Variants in DPP6 observed in about 807,000 individuals in gnomAD.
DPP6 encodes the protein dipeptidyl peptidase like 6.
A neutral mutation model predicts 122.6 loss-of-function variants in DPP6; 69 were observed. That is an observed-to-expected ratio of 0.56 (90% CI 0.46 to 0.69). The LOEUF (loss-of-function observed/expected upper bound fraction) is 0.69. Among genes scored for constraint, DPP6 ranks in the 30% least tolerant of loss-of-function variants. The probability of loss-of-function intolerance (pLI) is 0.00; values close to 1 mark genes in which losing one functional copy is unlikely to be tolerated. For synonymous variants in DPP6, 418 were observed against 433.1 expected (o/e 0.97, Z 0.43); for missense variants, 928 against 1,116.9 (o/e 0.83, Z 2.41).
chr7:154,449,931 G>A (rs1429880083), intron 2 of DPP6, among the ~76,000 whole-genome samples: 4 of 151,866 alleles, frequency 2.6e-5, no homozygotes, highest in Non-Finnish European at 4.4e-5. Flanking sequence ...TCACTTGAAC[G>A]TGGGATGGTG....
chr7:154,157,443 A>G (rs1796742666), intron 1 of DPP6, among the ~76,000 whole-genome samples: 1 of 152,106 alleles, frequency 6.6e-6, no homozygotes, highest in Non-Finnish European at 1.5e-5. Context: ...TTTGTTTTTC[A>G]TTGTCTTTTT....
At chr7:154,157,773 A>C (rs1796759894) in intron 1 of DPP6, among the ~76,000 whole-genome samples, 1 of 151,936 alleles carries the variant, frequency 6.6e-6, no homozygotes, top group African/African-American at 2.4e-5. Flanking sequence ...GTCTCTACTA[A>C]AAATGCAAAA....
At chr7:153,867,884 C>G in the DPP6 span, among the ~76,000 whole-genome samples, 1 of 152,088 alleles carries the variant, frequency 6.6e-6, no homozygotes, top group Non-Finnish European at 1.5e-5. Context: ...TTATCAAAGG[C>G]CTTTTATGCA....
At chr7:154,361,603 C>CAAAA (rs34342809) in intron 1 of DPP6, among the ~76,000 whole-genome samples, 42 of 57,788 alleles carry the variant, frequency 7.3e-4, no homozygotes, top group South Asian at 1.2e-3. Context: ...AATTGCTAGC[C>CAAAA]AAAAAAAAAA....
chr7:154,184,913 G>A lies in DPP6; in HGVS notation c.243+131850G>A, dbSNP rs76868134. The stretch of plus-strand genomic sequence containing the variant: ...AAAGGCAGTTTAGCATCTGAGCCAC[G>A]GTGCGATGGTTAGCCATATTTATGA... On this transcript the variant is annotated intron_variant, in intron 1 of 25. Coordinates refer to ENST00000377770, the MANE Select transcript of DPP6 (RefSeq NM_130797.4). Among the ~76,000 whole-genome samples the A allele has an allele frequency of 4.0e-3, 603 of 152,266 alleles. 5 individuals carry two copies. Among genetic ancestry groups the A allele is most frequent in the African/African-American group, 0.014 (579 of 41,554 alleles).
the DPP6 span, among the ~76,000 whole-genome samples, chr7:153,783,678 T>G: frequency 6.6e-6 from 1 of 152,222 alleles, no homozygotes; most frequent in Non-Finnish European, 1.5e-5. Context: ...CAATAAAAAC[T>G]TACATGTGCT....
At position 154,602,832 on chromosome 7, in the gene DPP6, C is replaced by G. The variant is rs1284149626; in HGVS notation, c.628-34989C>G. On this transcript the variant is annotated intron_variant, in intron 5 of 25. Coordinates refer to ENST00000377770, the MANE Select transcript of DPP6 (RefSeq NM_130797.4). ...GTGCGATCTCTATTCACTGCAACCT[C>G]TGCCTCCCATCTTAATTCTTTTTTA... Among the ~76,000 whole-genome samples, 7 of 117,404 alleles carry G rather than the reference C, an allele frequency of 6.0e-5. 2 individuals carry two copies. Among genetic ancestry groups the G allele is most frequent in the Admixed American group, 1.9e-4 (2 of 10,336 alleles). 77.0% of individuals were successfully genotyped at this position (117,404 alleles called of 152,430 possible). A position where few individuals can be genotyped will look rare whatever the true frequency, so the allele number is the denominator to read the frequency against.
chr7:153,963,951 G>A (rs914100615), intron 1 of DPP6, among the ~76,000 whole-genome samples: 3 of 152,158 alleles, frequency 2.0e-5, no homozygotes, highest in Admixed American at 6.5e-5. Context: ...GCATCAGGTC[G>A]TCTACTGCTT....
chr7:153,763,192 TCA>T, the DPP6 span, among the ~76,000 whole-genome samples: 5 of 152,098 alleles, frequency 3.3e-5, no homozygotes, highest in African/African-American at 1.2e-4. Flanking sequence ...TTTCCAACTC[TCA>T]GTGTTCTGAA....
intron 1 of DPP6, among the ~76,000 whole-genome samples, chr7:154,247,477 G>C (rs1802055469): frequency 1.3e-5 from 2 of 152,054 alleles, no homozygotes; most frequent in Admixed American, 1.3e-4. Flanking sequence ...ATATCTAAAT[G>C]GTCAATAAGC....
chr7:154,336,468 G>A (rs1490908738), intron 1 of DPP6, among the ~76,000 whole-genome samples: 1 of 152,106 alleles, frequency 6.6e-6, no homozygotes, highest in South Asian at 2.1e-4. Context: ...GCAGCCACAC[G>A]GCCGCCACTC....
intron 17 of DPP6, among the ~76,000 whole-genome samples, chr7:154,859,531 T>C (rs747243421): frequency 2.8e-4 from 43 of 152,236 alleles, no homozygotes; most frequent in Non-Finnish European, 7.3e-5. Flanking sequence ...TTCAGAATTC[T>C]TTGTCCTTTC....
chr7:154,886,268 C>T (rs1317698986), intron 22 of DPP6, among the ~76,000 whole-genome samples: 3 of 152,198 alleles, frequency 2.0e-5, no homozygotes, highest in Non-Finnish European at 4.4e-5. Flanking sequence ...TCTCCCTGGC[C>T]ATGCAAATGG....
At chr7:154,522,057 G>A (rs1208861767) in intron 3 of DPP6, among the ~76,000 whole-genome samples, 4 of 151,954 alleles carry the variant, frequency 2.6e-5, no homozygotes, top group East Asian at 1.9e-4. Context: ...TCCACCTCCC[G>A]GGTTCACGCC....
intron 3 of DPP6, among the ~76,000 whole-genome samples, chr7:154,508,273 C>A (rs1380135703): frequency 2.0e-5 from 3 of 152,162 alleles, no homozygotes; most frequent in African/African-American, 7.2e-5. Flanking sequence ...CCAGACACTA[C>A]ACTAATTTGG....
chr7:153,763,585 T>C, the DPP6 span, among the ~76,000 whole-genome samples: 2 of 152,228 alleles, frequency 1.3e-5, no homozygotes, highest in African/African-American at 2.4e-5. Context: ...GAGATATACT[T>C]TGGGGAGAAG....
chr7:153,893,471 G>C (rs2128994782), intron 1 of DPP6, among the ~76,000 whole-genome samples: 1 of 152,332 alleles, frequency 6.6e-6, no homozygotes, highest in Admixed American at 6.5e-5. Context: ...TTTGTTCCTT[G>C]CTTAGGACTG....
the DPP6 span, among the ~76,000 whole-genome samples, chr7:153,790,458 A>G: frequency 3.3e-5 from 5 of 152,208 alleles, no homozygotes; most frequent in East Asian, 1.9e-4. Context: ...ATTGAATTCA[A>G]TAAGATCCCC....
chr7:154,152,016 T>C (rs949822267), intron 1 of DPP6, among the ~76,000 whole-genome samples: 1 of 151,310 alleles, frequency 6.6e-6, no homozygotes, highest in African/African-American at 2.4e-5. Context: ...CTTTCGCCTC[T>C]CTATGCCCTG....
Sources: gnomAD v4.1 joint callset for allele counts (sites outside exome capture counted in the v4.1 genomes callset) on GRCh38, gnomAD v4.1.1 for gene constraint, MANE v1.5 for transcripts, NCBI Gene and HGNC (gene_info 2026-07-23, HGNC 2026-07-21) for gene names.